PRSS55: variants seen among roughly 807,000 people sequenced by gnomAD.
The protein encoded by PRSS55 is serine protease 55.
PRSS55 carries 41 observed loss-of-function variants against 23.6 expected under a neutral mutation model. The ratio of observed to expected loss-of-function variants is 1.74; its 90% CI spans 1.35 to 2.26. The LOEUF is 2.26. Ranked by LOEUF, PRSS55 falls within the 30% of genes most tolerant of loss-of-function variation. The pLI is 0.00. For missense variants in PRSS55, 669 were observed against 439.1 expected (o/e 1.52, Z -4.68); for synonymous variants, 262 against 175.5 (o/e 1.49, Z -3.90).
At chr8:10,540,087 C>T (rs1411588501), downstream of PRSS55, among the ~76,000 whole-genome samples, 1 of 152,234 alleles carries the variant, frequency 6.6e-6, no homozygotes, top group Non-Finnish European at 1.5e-5. Context: ...CTCCATGGCT[C>T]AGCCCCTCCG....
chr8:10,550,172 C>G (rs139182888), intron 4 of PRSS55, among the ~76,000 whole-genome samples: 211 of 152,318 alleles, frequency 1.4e-3, no homozygotes, highest in African/African-American at 4.5e-3. Context: ...ATCCACCCAC[C>G]TCGGCTTCCC....
At chr8:10,531,255 T>G (rs1208917672) in intron 2 of PRSS55, 40 bp from the exon 3 acceptor site, 1 of 1,608,606 alleles carries the variant, frequency 6.2e-7, no homozygotes, top group South Asian at 1.1e-5. Context: ...GAGACTTCCC[T>G]TCCCCTTCCA....
At chr8:10,529,472 C>T in intron 1 of PRSS55, 35 bp from the exon 2 acceptor site, 1 of 1,606,108 alleles carries the variant, frequency 6.2e-7, no homozygotes, top group Non-Finnish European at 8.5e-7. Flanking sequence ...CTAAGTGTTT[C>T]CCCTTTTCCT....
At chr8:10,546,392 A>G (rs1812818816) in intron 4 of PRSS55, among the ~76,000 whole-genome samples, 1 of 152,044 alleles carries the variant, frequency 6.6e-6, no homozygotes, top group Non-Finnish European at 1.5e-5. Flanking sequence ...CCAGTTCCCT[A>G]TCTCACCCCT....
chr8:10,532,820 C>A, intron 3 of PRSS55, 86 bp from the exon 4 acceptor site: 2 of 1,552,042 alleles, frequency 1.3e-6, no homozygotes, highest in Non-Finnish European at 1.8e-6. Flanking sequence ...CTGGGGGACA[C>A]AGGGCCGAGG....
exon 5 of PRSS55, chr8:10,553,986 C>G (rs1459328736): frequency 1.1e-5 from 17 of 1,532,422 alleles, no homozygotes; most frequent in Non-Finnish European, 1.4e-5. Flanking sequence ...ACCGGAAGCT[C>G]TCAAACAAAG....
In PRSS55 at chr8:10,534,365, A is replaced by C. The variant is rs551623510; in HGVS notation, c.741+1317A>C. ...ACACACATCTTGACCAGAAAACATT[A>C]ACTGTCCTCCCTGATTAGAGTTTGT... On this transcript the variant is annotated intron_variant, in intron 4 of 4. Coordinates refer to ENST00000328655, the MANE Select transcript of PRSS55 (RefSeq NM_198464.4). Among the ~76,000 whole-genome samples, 11 of 152,308 alleles carry C rather than the reference A, an allele frequency of 7.2e-5. No homozygotes were observed. In the South Asian group the frequency reaches 2.3e-3, roughly 32 times the overall value.
chr8:10,538,417 A>C (rs1380682642), intron 4 of PRSS55, 59 bp from the exon 5 acceptor site: 2 of 1,342,514 alleles, frequency 1.5e-6, no homozygotes, highest in Non-Finnish European at 2.1e-6. Context: ...AGCTGTGCCC[A>C]GCCTCAGATG....
At chr8:10,529,721 C>A (rs1489632876) in intron 2 of PRSS55, 22 bp downstream of exon 2, 1 of 1,600,064 alleles carries the variant, frequency 6.2e-7, no homozygotes, top group Non-Finnish European at 8.5e-7. Context: ...GGGCCTCCCA[C>A]TGCCACCTCT....
intron 4 of PRSS55, chr8:10,553,908 T>G: frequency 1.4e-6 from 2 of 1,391,966 alleles, no homozygotes; most frequent in African/African-American, 1.5e-5. Flanking sequence ...TACATAAAAT[T>G]TTTTTAATTT....
downstream of PRSS55, among the ~76,000 whole-genome samples, chr8:10,541,917 G>A (rs56314955): frequency 0.25 from 38,179 of 151,882 alleles, 5,125 homozygotes; most frequent in Middle Eastern, 0.32. Flanking sequence ...GGGACTACAG[G>A]CGCACATCAC....
At chr8:10,543,276 G>A (rs942503567), downstream of PRSS55, among the ~76,000 whole-genome samples, 4 of 152,110 alleles carry the variant, frequency 2.6e-5, no homozygotes, top group African/African-American at 9.7e-5. Context: ...TAAGCCCGGA[G>A]CTTCTGGGGG....
intron 4 of PRSS55, among the ~76,000 whole-genome samples, chr8:10,548,382 C>G (rs1378372108): frequency 1.3e-5 from 2 of 152,126 alleles, no homozygotes; most frequent in African/African-American, 2.4e-5. Flanking sequence ...TCCCTGAGAG[C>G]TGGCTGGAGC....
chr8:10,532,379 T>C (rs1303654326), intron 3 of PRSS55, among the ~76,000 whole-genome samples: 6 of 151,900 alleles, frequency 3.9e-5, no homozygotes, highest in Admixed American at 2.0e-4. Flanking sequence ...TGGAGAGGAA[T>C]TCAGGTGAAT....
At chr8:10,552,136 T>C (rs1812965754) in intron 4 of PRSS55, among the ~76,000 whole-genome samples, 1 of 152,208 alleles carries the variant, frequency 6.6e-6, no homozygotes, top group Non-Finnish European at 1.5e-5. Flanking sequence ...AGCTACTGGT[T>C]ATGAGGAACC....
intron 1 of PRSS55, 101 bp downstream of exon 1, chr8:10,525,840 TC>T: frequency 8.0e-7 from 1 of 1,249,650 alleles, no homozygotes; most frequent in Non-Finnish European, 1.1e-6. Flanking sequence ...GCTCCAGGGC[TC>T]CCCACATACC....
chr8:10,532,575 T>G (rs1303330563), intron 3 of PRSS55, among the ~76,000 whole-genome samples: 2 of 152,178 alleles, frequency 1.3e-5, no homozygotes, highest in East Asian at 1.9e-4. Context: ...TAGGCAAATG[T>G]ATTGATATGG....
chr8:10,528,625 C>T (rs1216366569), intron 1 of PRSS55, among the ~76,000 whole-genome samples: 1 of 152,200 alleles, frequency 6.6e-6, no homozygotes, highest in East Asian at 1.9e-4. Context: ...CTACAACAGC[C>T]AGGGCTTTCC....
chr8:10,531,956 AAATG>A (rs1812282547), intron 3 of PRSS55, among the ~76,000 whole-genome samples: 1 of 152,142 alleles, frequency 6.6e-6, no homozygotes, highest in African/African-American at 2.4e-5. Flanking sequence ...CTCTTCTTAG[AAATG>A]AATCTGTTGT....
Sources: allele counts gnomAD v4.1 joint callset (sites outside exome capture counted in the v4.1 genomes callset), GRCh38; gene constraint gnomAD v4.1.1; transcripts MANE v1.5; gene names NCBI Gene and HGNC (gene_info 2026-07-23, HGNC 2026-07-21).